CCDC178: variants seen among roughly 807,000 people sequenced by gnomAD.
CCDC178 encodes the protein coiled-coil domain-containing protein 178.
A neutral mutation model predicts 117.4 loss-of-function variants in CCDC178; 126 were observed. The observed-to-expected ratio is 1.07, with a 90% CI of 0.93 to 1.24. The LOEUF (loss-of-function observed/expected upper bound fraction) is 1.24, where lower values mean the gene tolerates loss of function less well. CCDC178 is among the 50% of genes most tolerant of loss of function. The pLI is 0.00. For synonymous variants in CCDC178, 283 were observed against 313.4 expected (o/e 0.90, Z 1.02); for missense variants, 1,030 against 986.9 (o/e 1.04, Z -0.59).
At chr18:32,973,178 G>A (rs1162176431) in intron 22 of CCDC178, among the ~76,000 whole-genome samples, 1 of 152,090 alleles carries the variant, frequency 6.6e-6, no homozygotes, top group Non-Finnish European at 1.5e-5. Flanking sequence ...TCACTTTACT[G>A]ATATTCAAAT....
chr18:33,060,036 T>C (rs896722965), intron 21 of CCDC178, among the ~76,000 whole-genome samples: 8 of 152,112 alleles, frequency 5.3e-5, no homozygotes, highest in African/African-American at 1.7e-4. Flanking sequence ...TAAACTTACA[T>C]ATACTTTTCT....
intron 14 of CCDC178, among the ~76,000 whole-genome samples, chr18:33,259,115 C>T (rs559373583): frequency 7.2e-5 from 11 of 152,210 alleles, no homozygotes; most frequent in Non-Finnish European, 1.5e-4. Flanking sequence ...TGCATTTTAT[C>T]TTTCTAATTT....
At chr18:33,369,994 C>T in intron 6 of CCDC178, 56 bp downstream of exon 6, 1 of 1,417,238 alleles carries the variant, frequency 7.1e-7, no homozygotes, top group Non-Finnish European at 9.4e-7. Flanking sequence ...AATAACCAAT[C>T]CTTAGAGGGT....
intron 11 of CCDC178, among the ~76,000 whole-genome samples, chr18:33,303,783 C>G (rs1970699272): frequency 1.3e-5 from 2 of 151,760 alleles, no homozygotes; most frequent in African/African-American, 2.4e-5. Context: ...GAAAGCATTA[C>G]AAGTTCAAGG....
chr18:33,211,578 T>A (rs2059108422), intron 20 of CCDC178, among the ~76,000 whole-genome samples: 1 of 151,586 alleles, frequency 6.6e-6, no homozygotes, highest in Admixed American at 6.6e-5. Context: ...CCATTCTCAT[T>A]CTCACATCCT....
intron 20 of CCDC178, among the ~76,000 whole-genome samples, chr18:33,147,981 C>A (rs2058291508): frequency 6.7e-6 from 1 of 149,976 alleles, no homozygotes; most frequent in Non-Finnish European, 1.5e-5. Context: ...GGGGCGGCGG[C>A]CGGGCAGGGG....
intron 3 of CCDC178, among the ~76,000 whole-genome samples, chr18:33,404,922 G>C (rs1316302532): frequency 6.6e-6 from 1 of 151,982 alleles, no homozygotes; most frequent in African/African-American, 2.4e-5. Context: ...AATCCATAGA[G>C]CAAGAAAACA....
At chr18:33,438,833 C>A (rs1296415772) in intron 2 of CCDC178, among the ~76,000 whole-genome samples, 1 of 152,134 alleles carries the variant, frequency 6.6e-6, no homozygotes, top group African/African-American at 2.4e-5. Flanking sequence ...CTGTAATCTG[C>A]CATCTAGCAT....
At chr18:33,295,744 T>C (rs1402315471) in intron 11 of CCDC178, among the ~76,000 whole-genome samples, 1 of 152,156 alleles carries the variant, frequency 6.6e-6, no homozygotes, top group African/African-American at 2.4e-5. Context: ...GAGATATCAC[T>C]ACAAACTTAC....
chr18:33,220,242 G>T (rs1189937158), intron 18 of CCDC178, among the ~76,000 whole-genome samples: 1 of 151,946 alleles, frequency 6.6e-6, no homozygotes, highest in Non-Finnish European at 1.5e-5. Flanking sequence ...GCAATCAGTG[G>T]GTGTTACAAT....
intron 5 of CCDC178, among the ~76,000 whole-genome samples, chr18:33,371,995 A>C (rs1347207413): frequency 6.6e-6 from 1 of 152,040 alleles, no homozygotes. Context: ...TGCTTCATTA[A>C]ATTTGGTGAA....
At chr18:33,275,707 A>C (rs1323546505) in intron 12 of CCDC178, among the ~76,000 whole-genome samples, 1 of 144,414 alleles carries the variant, frequency 6.9e-6, no homozygotes, top group Non-Finnish European at 1.5e-5. Context: ...CGGGGAGAGA[A>C]GGGAAGCTGT....
intron 11 of CCDC178, among the ~76,000 whole-genome samples, chr18:33,300,686 T>A (rs2062165598): frequency 6.6e-6 from 1 of 152,174 alleles, no homozygotes; most frequent in Non-Finnish European, 1.5e-5. Context: ...CTGTGGAAGT[T>A]TGAACTTAAG....
chr18:33,100,761 C>G (rs1289306128), intron 20 of CCDC178, among the ~76,000 whole-genome samples: 1 of 151,924 alleles, frequency 6.6e-6, no homozygotes, highest in African/African-American at 2.4e-5. Flanking sequence ...CTATAGTATT[C>G]CTCCTATAAC....
intron 17 of CCDC178, among the ~76,000 whole-genome samples, chr18:33,223,675 G>C (rs1352552473): frequency 6.6e-6 from 1 of 151,960 alleles, no homozygotes; most frequent in Non-Finnish European, 1.5e-5. Context: ...TAAAACCATG[G>C]CTGTTATAAA....
At chr18:33,123,059 T>C (rs763494066) in intron 20 of CCDC178, among the ~76,000 whole-genome samples, 21 of 152,118 alleles carry the variant, frequency 1.4e-4, no homozygotes, top group Non-Finnish European at 3.1e-4. Flanking sequence ...GCATACAGGG[T>C]ACCATTTTGA....
chr18:33,320,581 T>G (rs1365424670), intron 11 of CCDC178, among the ~76,000 whole-genome samples: 1 of 151,994 alleles, frequency 6.6e-6, no homozygotes, highest in Non-Finnish European at 1.5e-5. Flanking sequence ...CACTGCTCAA[T>G]GAAATAAAAG....
At chr18:32,983,404 G>GTATTTCC (rs1301878676) in intron 21 of CCDC178, 2 of 1,073,106 alleles carry the variant, frequency 1.9e-6, no homozygotes, top group Non-Finnish European at 2.7e-6. Flanking sequence ...TCAGAAGTCC[G>GTATTTCC]TATTTCCTAT....
At chr18:33,366,446 TAG>T (rs2063208488) in intron 6 of CCDC178, among the ~76,000 whole-genome samples, 1 of 152,054 alleles carries the variant, frequency 6.6e-6, no homozygotes, top group Non-Finnish European at 1.5e-5. Flanking sequence ...ATGGGTAATT[TAG>T]AGAGATAATT....
Sources: allele counts gnomAD v4.1 joint callset (sites outside exome capture counted in the v4.1 genomes callset), GRCh38; gene constraint gnomAD v4.1.1; transcripts MANE v1.5; gene names NCBI Gene and HGNC (gene_info 2026-07-23, HGNC 2026-07-21).